COL4A3: variants seen among roughly 807,000 people sequenced by gnomAD.
COL4A3 encodes collagen alpha-3(IV) chain.
In COL4A3, 135 loss-of-function variants were observed where a neutral mutation model predicts 217.4. That is an observed-to-expected ratio of 0.62 (90% CI 0.54 to 0.72). The LOEUF is 0.72. Ranked by LOEUF, COL4A3 falls within the 30% of genes least tolerant of loss-of-function variation. COL4A3 has a pLI of 0.00. For missense variants in COL4A3, 1,868 were observed against 2,119.9 expected (o/e 0.88, Z 2.33); for synonymous variants, 690 against 736.3 (o/e 0.94, Z 1.02).
rs146566686 is a variant in COL4A3 at position 227,288,045 on chromosome 2, G to A, written c.2882-1105G>A. ...ATAGACAGATTGCAGAATGCTTCAT[G>A]CTGCCGAAAGAGTTTGCAATTTACT... On this transcript the variant is annotated intron_variant, in intron 34 of 51. Coordinates refer to ENST00000396578, the MANE Select transcript of COL4A3 (RefSeq NM_000091.5). 4.9e-3 allele frequency among the ~76,000 whole-genome samples: 743 copies of A among 152,320 alleles called. 7 individuals carry two copies. Among genetic ancestry groups the A allele is most frequent in the African/African-American group, 0.017 (721 of 41,580 alleles).
chr2:227,165,421 C>A (rs1267619807), intron 1 of COL4A3, among the ~76,000 whole-genome samples: 2 of 152,190 alleles, frequency 1.3e-5, no homozygotes, highest in Non-Finnish European at 2.9e-5. Context: ...ATCATTTAAG[C>A]AATCTGACAC....
Position 227,266,922 on chromosome 2 carries a change from T to C in COL4A3, c.1409-71T>C. ...TTAAATGTAATAAATGATAGTGTGG[T>C]TGGAAAATATTTGTTCTTTCTGAGG... On this transcript the variant is annotated intron_variant, in intron 22 of 51. Transcript: ENST00000396578. 2.9e-6 allele frequency: 3 copies of C among 1,018,538 alleles called. No homozygotes were observed. In the South Asian group the frequency reaches 3.9e-5, roughly 13 times the overall value. The allele number at this position is 1,018,538 out of a possible 1,614,324, so 63.1% of individuals were successfully genotyped here.
In COL4A3 at chr2:227,312,300, C is replaced by T; in HGVS notation, c.*430C>T. 4.1e-6 allele frequency: 1 copy of T among 246,700 alleles called. No individual in the cohort carries two copies. Among genetic ancestry groups the T allele is most frequent in the South Asian group, 4.9e-5 (1 of 20,566 alleles). The allele number at this position is 246,700 out of a possible 1,614,324, so 15.3% of individuals were successfully genotyped here. ...CGCCAACCCTTCCTGAAACTTCAGA[C>T]CCTGGGTAGGGGAAGAGAAGGGGGC... On this transcript the variant is annotated 3_prime_UTR_variant, in exon 52 of 52. Transcript: ENST00000396578.
Position 227,190,821 on chromosome 2 carries a change from C to T in COL4A3, c.87+26008C>T, listed in dbSNP as rs138068789. ...ACTCAGAAGGCTGATGTGGGAGGATCGCTTGACACCAAGAGGTGAAGGTTT... is the reference window on the plus strand; with the variant it reads ...ACTCAGAAGGCTGATGTGGGAGGATTGCTTGACACCAAGAGGTGAAGGTTT... On this transcript the variant is annotated intron_variant, in intron 1 of 51. Transcript: ENST00000396578. Among the ~76,000 whole-genome samples the T allele has an allele frequency of 2.7e-3, 410 of 152,232 alleles. 4 individuals are homozygous for T. Among genetic ancestry groups the T allele is most frequent in the African/African-American group, 8.8e-3 (365 of 41,530 alleles).
In COL4A3 at chr2:227,312,099, C is replaced by T; in HGVS notation, c.*229C>T. On this transcript the variant is annotated 3_prime_UTR_variant, in exon 52 of 52. Coordinates refer to ENST00000396578, the MANE Select transcript of COL4A3 (RefSeq NM_000091.5). Reference sequence around the variant, plus strand: ...AAAGTTCTCTGTGGCAAAGCAGCAACTATTCACAAAATATCACCAAAAACC... The same window carrying T: ...AAAGTTCTCTGTGGCAAAGCAGCAATTATTCACAAAATATCACCAAAAACC... The T allele has an allele frequency of 1.6e-6, 1 of 635,442 alleles. No individual in the cohort carries two copies. Among genetic ancestry groups the T allele is most frequent in the South Asian group, 2.0e-5 (1 of 49,660 alleles). 39.4% of individuals were successfully genotyped at this position (635,442 alleles called of 1,614,324 possible).
intron 3 of COL4A3, among the ~76,000 whole-genome samples, chr2:227,243,060 C>A (rs2069120032): frequency 6.6e-6 from 1 of 152,180 alleles, no homozygotes; most frequent in South Asian, 2.1e-4. Flanking sequence ...CTTAGATCAG[C>A]CTAATGCCAA....
chr2:227,167,917 C>T (rs923085432), intron 1 of COL4A3, among the ~76,000 whole-genome samples: 2 of 152,086 alleles, frequency 1.3e-5, no homozygotes, highest in African/African-American at 2.4e-5. Flanking sequence ...GTCTGTTCTC[C>T]GTAAAAAATA....
At chr2:227,198,088 G>C (rs553689393) in intron 1 of COL4A3, among the ~76,000 whole-genome samples, 1 of 152,212 alleles carries the variant, frequency 6.6e-6, no homozygotes, top group African/African-American at 2.4e-5. Flanking sequence ...CCCTCTTAGA[G>C]AGGCCCCGCT....
intron 1 of COL4A3, among the ~76,000 whole-genome samples, chr2:227,206,132 G>A (rs1433760964): frequency 6.6e-6 from 1 of 151,968 alleles, no homozygotes; most frequent in African/African-American, 2.4e-5. Flanking sequence ...GAAGTGCAGT[G>A]GTGCGATCTC....
chr2:227,229,010 C>T (rs747419965), intron 1 of COL4A3, among the ~76,000 whole-genome samples: 1 of 152,172 alleles, frequency 6.6e-6, no homozygotes, highest in Non-Finnish European at 1.5e-5. Context: ...ATGTGGAAAC[C>T]GAGACACCTG....
intron 43 of COL4A3, among the ~76,000 whole-genome samples, chr2:227,300,118 G>A (rs1013379149): frequency 2.6e-5 from 4 of 151,818 alleles, no homozygotes; most frequent in Admixed American, 6.6e-5. Context: ...AGTTTCAATC[G>A]CCCTAAAAAA....
At chr2:227,173,567 C>G (rs2065568822) in intron 1 of COL4A3, among the ~76,000 whole-genome samples, 1 of 152,158 alleles carries the variant, frequency 6.6e-6, no homozygotes, top group Admixed American at 6.6e-5. Flanking sequence ...TTCAACATCA[C>G]ACACCTACAA....
chr2:227,306,586 A>C (rs2073510369), intron 47 of COL4A3, among the ~76,000 whole-genome samples: 1 of 152,158 alleles, frequency 6.6e-6, no homozygotes, highest in East Asian at 1.9e-4. Context: ...GATGTGGCCT[A>C]TTTTTAATTT....
chr2:227,213,772 A>G (rs1195260090), intron 1 of COL4A3, among the ~76,000 whole-genome samples: 1 of 151,766 alleles, frequency 6.6e-6, no homozygotes, highest in Non-Finnish European at 1.5e-5. Context: ...TATGGTGACA[A>G]GTGCCCGTAA....
chr2:227,262,564 C>T (rs1326609721), intron 20 of COL4A3, among the ~76,000 whole-genome samples: 1 of 152,132 alleles, frequency 6.6e-6, no homozygotes, highest in Non-Finnish European at 1.5e-5. Flanking sequence ...CAATTTCTTT[C>T]ACCAGTGTTT....
At chr2:227,226,643 T>C (rs1030865708) in intron 1 of COL4A3, among the ~76,000 whole-genome samples, 1 of 152,194 alleles carries the variant, frequency 6.6e-6, no homozygotes, top group Non-Finnish European at 1.5e-5. Context: ...CTAATTTTTG[T>C]ATTTTTAGTA....
intron 1 of COL4A3, among the ~76,000 whole-genome samples, chr2:227,170,484 G>A (rs2065438111): frequency 6.6e-6 from 1 of 152,102 alleles, no homozygotes; most frequent in African/African-American, 2.4e-5. Flanking sequence ...TGGCAGGCAA[G>A]AGGGAAAGAG....
intron 1 of COL4A3, among the ~76,000 whole-genome samples, chr2:227,179,240 C>G (rs531097028): frequency 1.3e-5 from 2 of 152,142 alleles, no homozygotes; most frequent in African/African-American, 4.8e-5. Flanking sequence ...CATGAGACAT[C>G]GTGCCTGGCC....
chr2:227,170,852 C>T (rs2065450899), intron 1 of COL4A3, among the ~76,000 whole-genome samples: 1 of 152,156 alleles, frequency 6.6e-6, no homozygotes, highest in South Asian at 2.1e-4. Context: ...CATTGTTCTA[C>T]TTAATGACTG....
Sources: gnomAD v4.1 joint callset for allele counts (sites outside exome capture counted in the v4.1 genomes callset) on GRCh38, gnomAD v4.1.1 for gene constraint, MANE v1.5 for transcripts, NCBI Gene and HGNC (gene_info 2026-07-23, HGNC 2026-07-21) for gene names.